Variants in DSCAM observed in about 807,000 individuals in gnomAD.
DSCAM encodes DS cell adhesion molecule.
Under a neutral mutation model 217.7 loss-of-function variants are expected in DSCAM, and 47 were observed. The ratio of observed to expected loss-of-function variants is 0.22; its 90% CI spans 0.17 to 0.28. The LOEUF (loss-of-function observed/expected upper bound fraction) is 0.28. DSCAM is among the 10% of genes least tolerant of loss of function. The probability of loss-of-function intolerance (pLI) is 1.00; values close to 1 mark genes in which losing one functional copy is unlikely to be tolerated. For synonymous variants in DSCAM, 1,056 were observed against 1,015.3 expected, an observed-to-expected ratio of 1.04 and a Z score of -0.76; for missense variants, 2,080 against 2,618.3, an observed-to-expected ratio of 0.79 and a Z score of 4.49.
chr21:40,706,980 G>A (rs377255258), intron 2 of DSCAM, among the ~76,000 whole-genome samples: 14 of 152,158 alleles, frequency 9.2e-5, no homozygotes, highest in Non-Finnish European at 1.8e-4. Flanking sequence ...GAAGAGGCAG[G>A]TAGCACAGAC....
chr21:40,085,526 T>TTTTAAAACAATTTTAAAA (rs1176115542), intron 23 of DSCAM, 76 bp downstream of exon 23: 80 of 1,288,222 alleles, frequency 6.2e-5, no homozygotes, highest in Non-Finnish European at 8.0e-5. Flanking sequence ...GATTTTAAAA[T>TTTTAAAACAATTTTAAAA]TTGTTCAGTG....
intron 10 of DSCAM, among the ~76,000 whole-genome samples, chr21:40,295,420 A>G (rs1372948863): frequency 6.6e-6 from 1 of 152,190 alleles, no homozygotes; most frequent in Non-Finnish European, 1.5e-5. Flanking sequence ...TTCTACTTGC[A>G]TAATATCTAC....
intron 3 of DSCAM, among the ~76,000 whole-genome samples, chr21:40,369,647 G>T (rs1466243325): frequency 6.6e-6 from 1 of 151,932 alleles, no homozygotes; most frequent in Non-Finnish European, 1.5e-5. Context: ...CAAATTAAGG[G>T]AATATTAACT....
intron 3 of DSCAM, among the ~76,000 whole-genome samples, chr21:40,374,627 A>G: frequency 6.6e-6 from 1 of 152,226 alleles, no homozygotes; most frequent in East Asian, 1.9e-4. Flanking sequence ...TCTGCTATGA[A>G]CTGAATGTTT....
intron 3 of DSCAM, among the ~76,000 whole-genome samples, chr21:40,529,400 G>A (rs1007218725): frequency 1.3e-5 from 2 of 152,156 alleles, no homozygotes; most frequent in African/African-American, 2.4e-5. Context: ...CTTTGCACAG[G>A]AATCATATTT....
At chr21:40,405,195 C>T (rs1449558601) in intron 3 of DSCAM, among the ~76,000 whole-genome samples, 2 of 152,104 alleles carry the variant, frequency 1.3e-5, no homozygotes, top group Non-Finnish European at 1.5e-5. Flanking sequence ...GTTCTGAAAG[C>T]ACTGAGCAGA....
intron 1 of DSCAM, among the ~76,000 whole-genome samples, chr21:40,775,344 G>T (rs1328531001): frequency 2.0e-5 from 3 of 152,106 alleles, no homozygotes; most frequent in Non-Finnish European, 4.4e-5. Flanking sequence ...GTGTTAACTT[G>T]ATTAAGAACT....
chr21:40,689,882 G>T (rs778482317), intron 3 of DSCAM, among the ~76,000 whole-genome samples: 11 of 152,214 alleles, frequency 7.2e-5, no homozygotes, highest in Admixed American at 4.6e-4. Flanking sequence ...TTTAGAAAAA[G>T]TCCCTCTGTT....
rs373495974 is a variant in DSCAM, at chr21:40,262,144, C to A, written c.2356+13953G>T. On this transcript the variant is annotated intron_variant, in intron 11 of 32. Transcript: ENST00000400454. Reference sequence around the variant, plus strand: ...CCACCCACAAGCCAAGAAAAGAGACCTCAGAATAAAACTTACCTTGCTAGA... The same window carrying A: ...CCACCCACAAGCCAAGAAAAGAGACATCAGAATAAAACTTACCTTGCTAGA... Among the ~76,000 whole-genome samples the A allele has an allele frequency of 3.3e-5, 5 of 152,100 alleles. No homozygotes were observed. The East Asian group carries it at 5.8e-4, about 18-fold the overall frequency.
intron 3 of DSCAM, among the ~76,000 whole-genome samples, chr21:40,627,026 G>C (rs1256700764): frequency 2.6e-5 from 4 of 152,144 alleles, no homozygotes; most frequent in African/African-American, 9.7e-5. Context: ...TACTAGGAAG[G>C]GAGAAAGAGC....
rs76836457 is a variant in DSCAM at position 40,137,179 on chromosome 21, A to G, written c.3407-3170T>C. ...GACAGAGCGAGACTCTGTCTCAAGG[A>G]AAAAAAAAAAAAAAAAAAAGCAAAC... On this transcript the variant is annotated intron_variant, in intron 18 of 32. Coordinates refer to ENST00000400454, the MANE Select transcript of DSCAM (RefSeq NM_001389.5). Among the ~76,000 whole-genome samples the G allele has an allele frequency of 6.0e-4, 36 of 60,454 alleles. No individual in the cohort carries two copies. The South Asian group carries it at 0.011, about 19-fold the overall frequency. The allele number at this position is 60,454 out of a possible 152,430, so 39.7% of individuals were successfully genotyped here.
chr21:40,088,431 T>C (rs2089562065), intron 21 of DSCAM, among the ~76,000 whole-genome samples: 2 of 152,180 alleles, frequency 1.3e-5, no homozygotes, highest in South Asian at 4.1e-4. Flanking sequence ...CATCCTAGTA[T>C]AGAATACCCA....
intron 3 of DSCAM, among the ~76,000 whole-genome samples, chr21:40,683,465 T>C (rs2090437583): frequency 6.6e-6 from 1 of 151,530 alleles, no homozygotes; most frequent in Non-Finnish European, 1.5e-5. Context: ...AGGAAGAAAG[T>C]AAAGACAGAG....
intron 1 of DSCAM, among the ~76,000 whole-genome samples, chr21:40,726,944 G>GC (rs2090961917): frequency 6.6e-6 from 1 of 152,092 alleles, no homozygotes; most frequent in African/African-American, 2.4e-5. Context: ...GGCATACCCA[G>GC]CCCCCTCTTC....
chr21:40,225,422 C>T (rs1782615374), intron 11 of DSCAM, among the ~76,000 whole-genome samples: 1 of 152,174 alleles, frequency 6.6e-6, no homozygotes. Context: ...TACCCACATT[C>T]ATTCCCACTC....
chr21:40,125,082 T>C (rs905281152), intron 19 of DSCAM, among the ~76,000 whole-genome samples: 1 of 152,184 alleles, frequency 6.6e-6, no homozygotes, highest in Admixed American at 6.5e-5. Flanking sequence ...AGTCATTTTG[T>C]AATGGCACCA....
chr21:40,403,931 C>T (rs891916534), intron 3 of DSCAM, among the ~76,000 whole-genome samples: 1 of 152,120 alleles, frequency 6.6e-6, no homozygotes, highest in Non-Finnish European at 1.5e-5. Flanking sequence ...GTTTCCAAAT[C>T]ATTCATCATC....
chr21:40,108,145 T>C (rs1180781158), intron 20 of DSCAM, among the ~76,000 whole-genome samples: 1 of 152,102 alleles, frequency 6.6e-6, no homozygotes, highest in African/African-American at 2.4e-5. Context: ...CAACACAGTA[T>C]TGGAAGTTCT....
At chr21:40,661,798 G>A (rs1440378746) in intron 3 of DSCAM, among the ~76,000 whole-genome samples, 3 of 152,072 alleles carry the variant, frequency 2.0e-5, no homozygotes, top group Non-Finnish European at 2.9e-5. Context: ...TGTCCAAAGG[G>A]AAAAAAGGCA....
Sources: allele counts gnomAD v4.1 joint callset (sites outside exome capture counted in the v4.1 genomes callset), GRCh38; gene constraint gnomAD v4.1.1; transcripts MANE v1.5; gene names NCBI Gene and HGNC (gene_info 2026-07-23, HGNC 2026-07-21).